Variants in SNTG1 observed in about 807,000 individuals in gnomAD.
SNTG1 encodes syntrophin gamma 1.
A neutral mutation model predicts 74.7 loss-of-function variants in SNTG1; 39 were observed. That is an observed-to-expected ratio of 0.52 (90% CI 0.40 to 0.68). The LOEUF (loss-of-function observed/expected upper bound fraction) is 0.68. SNTG1 is among the 30% of genes least tolerant of loss of function. SNTG1 has a pLI of 0.00. For missense variants in SNTG1, 685 were observed against 609.5 expected, an observed-to-expected ratio of 1.12 and a Z score of -1.30; for synonymous variants, 254 against 217.1, an observed-to-expected ratio of 1.17 and a Z score of -1.49.
intron 2 of SNTG1, among the ~76,000 whole-genome samples, chr8:50,353,369 C>G (rs867321077): frequency 6.6e-6 from 1 of 151,962 alleles, no homozygotes; most frequent in Non-Finnish European, 1.5e-5. Flanking sequence ...CAAACCTGAA[C>G]GTAGTGCACA....
At chr8:49,983,555 C>G (rs1033241051) in intron 1 of SNTG1, among the ~76,000 whole-genome samples, 9 of 152,022 alleles carry the variant, frequency 5.9e-5, no homozygotes, top group Non-Finnish European at 1.2e-4. Flanking sequence ...CTTACATAAC[C>G]AAATGAGATA....
chr8:50,556,030 T>A (rs1030185381), intron 12 of SNTG1, among the ~76,000 whole-genome samples: 3 of 152,188 alleles, frequency 2.0e-5, no homozygotes, highest in Non-Finnish European at 2.9e-5. Flanking sequence ...ACCCAGTTTT[T>A]AAAAATTCTA....
intron 13 of SNTG1, among the ~76,000 whole-genome samples, chr8:50,593,119 C>T (rs2094703094): frequency 6.6e-6 from 1 of 151,294 alleles, no homozygotes; most frequent in African/African-American, 2.5e-5. Context: ...TTAAAAGTCA[C>T]CCAAGCTACA....
chr8:50,364,357 T>G (rs1398512200), intron 2 of SNTG1, among the ~76,000 whole-genome samples: 1 of 152,102 alleles, frequency 6.6e-6, no homozygotes, highest in Non-Finnish European at 1.5e-5. Flanking sequence ...ATTACAAGGG[T>G]TTTAGGCAGT....
At position 50,795,421 on chromosome 8, in the gene SNTG1, C is replaced by A. The variant is rs779608781; in HGVS notation, c.*2592C>A. ...AATGAACAAAAACACTTAAAAATTT[C>A]TATCTCTCATATAATTTAGGTTTAC... On this transcript the variant is annotated 3_prime_UTR_variant, in exon 19 of 19. Transcript: ENST00000642720. The A allele has an allele frequency of 6.6e-6, 1 of 152,072 alleles. No homozygotes were observed. Among genetic ancestry groups the A allele is most frequent in the East Asian group, 1.9e-4 (1 of 5,192 alleles). 9.4% of individuals were successfully genotyped at this position (152,072 alleles called of 1,614,324 possible).
At chr8:50,062,944 ACC>A (rs1428490996) in intron 1 of SNTG1, among the ~76,000 whole-genome samples, 1 of 152,226 alleles carries the variant, frequency 6.6e-6, no homozygotes, top group Non-Finnish European at 1.5e-5. Context: ...GACTTGATTG[ACC>A]ACAGACATAT....
At chr8:50,305,056 C>T (rs2089827230) in intron 2 of SNTG1, among the ~76,000 whole-genome samples, 2 of 152,048 alleles carry the variant, frequency 1.3e-5, no homozygotes, top group South Asian at 4.1e-4. Context: ...GTGCGGACCA[C>T]TACAGCTGGC....
intron 1 of SNTG1, among the ~76,000 whole-genome samples, chr8:50,101,721 A>T (rs1414086382): frequency 3.5e-5 from 5 of 142,290 alleles, no homozygotes; most frequent in African/African-American, 1.3e-4. Context: ...CTCCCACCCC[A>T]CAACAGTCCC....
intron 18 of SNTG1, 112 bp from the exon 19 acceptor site, chr8:50,792,559 C>T: frequency 9.1e-7 from 1 of 1,096,562 alleles, no homozygotes; most frequent in Admixed American, 2.4e-5. Context: ...CCACATGTTA[C>T]ATATCATAGA....
At chr8:50,426,034 C>T (rs191221317) in intron 4 of SNTG1, among the ~76,000 whole-genome samples, 25 of 152,134 alleles carry the variant, frequency 1.6e-4, no homozygotes, top group Admixed American at 2.6e-4. Flanking sequence ...GAAAAAATTG[C>T]AAAAATAATA....
rs1310102008 is a variant in SNTG1, at chr8:50,570,236, A to ATTTTC, written c.810+17061_810+17062insCTTTT. ...CATATGGTGGTTCTATTTTTATTTT[A>ATTTTC]TTTTATTTTATTTTATTTTATTTTA... On this transcript the variant is annotated intron_variant, in intron 12 of 18. Transcript: ENST00000642720. Among the ~76,000 whole-genome samples the ATTTTC allele has an allele frequency of 3.6e-5, 2 of 55,856 alleles. 1 individual carries two copies. Among genetic ancestry groups the ATTTTC allele is most frequent in the Admixed American group, 4.4e-4 (2 of 4,498 alleles). The allele number at this position is 55,856 out of a possible 152,430, so 36.6% of individuals were successfully genotyped here. A position where few individuals can be genotyped will look rare whatever the true frequency, so the allele number is the denominator to read the frequency against.
intron 2 of SNTG1, among the ~76,000 whole-genome samples, chr8:50,225,532 T>A (rs1324603101): frequency 2.0e-5 from 3 of 152,146 alleles, no homozygotes; most frequent in African/African-American, 7.2e-5. Context: ...TTGATTGGTG[T>A]TTTTTGTCTC....
intron 1 of SNTG1, among the ~76,000 whole-genome samples, chr8:49,971,146 C>A (rs1475908371): frequency 6.6e-6 from 1 of 152,142 alleles, no homozygotes; most frequent in Non-Finnish European, 1.5e-5. Flanking sequence ...CTGAATCCAG[C>A]AGCACATCAA....
At chr8:50,685,798 T>C (rs1464406033) in intron 15 of SNTG1, among the ~76,000 whole-genome samples, 1 of 151,566 alleles carries the variant, frequency 6.6e-6, no homozygotes, top group Admixed American at 6.6e-5. Flanking sequence ...GGAGGAAGAG[T>C]CAGATTTATC....
chr8:50,180,669 T>A (rs2083169064), intron 2 of SNTG1, among the ~76,000 whole-genome samples: 1 of 150,546 alleles, frequency 6.6e-6, no homozygotes, highest in Non-Finnish European at 1.5e-5. Flanking sequence ...AGGTGGCCCA[T>A]CCTAATTATT....
chr8:50,732,204 A>G (rs1194410864), intron 17 of SNTG1, among the ~76,000 whole-genome samples: 1 of 151,978 alleles, frequency 6.6e-6, no homozygotes, highest in Non-Finnish European at 1.5e-5. Flanking sequence ...TACCTGTTTA[A>G]TAGTGTAATT....
At chr8:50,281,432 C>T (rs1189763833) in intron 2 of SNTG1, among the ~76,000 whole-genome samples, 2 of 152,172 alleles carry the variant, frequency 1.3e-5, no homozygotes, top group African/African-American at 4.8e-5. Context: ...ACAATACATT[C>T]AAGTCTATCC....
intron 1 of SNTG1, among the ~76,000 whole-genome samples, chr8:49,961,906 T>C (rs1466491275): frequency 2.6e-5 from 4 of 152,222 alleles, no homozygotes; most frequent in Non-Finnish European, 5.9e-5. Flanking sequence ...CATCCAAGTA[T>C]AGAAAAAATA....
At chr8:50,717,546 C>T (rs577207866) in intron 17 of SNTG1, among the ~76,000 whole-genome samples, 62 of 152,188 alleles carry the variant, frequency 4.1e-4, no homozygotes, top group Admixed American at 2.0e-4. Flanking sequence ...TCCAGCTAGC[C>T]CATATTTCAA....
Sources: gnomAD v4.1 joint callset for allele counts (sites outside exome capture counted in the v4.1 genomes callset) on GRCh38, gnomAD v4.1.1 for gene constraint, MANE v1.5 for transcripts, NCBI Gene and HGNC (gene_info 2026-07-23, HGNC 2026-07-21) for gene names.